FAM169A: variants seen among roughly 807,000 people sequenced by gnomAD.
FAM169A encodes soluble lamin-associated protein of 75 kDa.
A neutral mutation model predicts 75.7 loss-of-function variants in FAM169A; 24 were observed. The observed-to-expected ratio is 0.32, with a 90% CI of 0.23 to 0.45. The LOEUF is 0.45. Ranked by LOEUF, FAM169A falls within the 20% of genes least tolerant of loss-of-function variation. The pLI, the probability that FAM169A is intolerant of heterozygous loss-of-function variation, is 1.00. For synonymous variants in FAM169A, 271 were observed against 271.0 expected, an observed-to-expected ratio of 1.00 and a Z score of 0.00; for missense variants, 673 against 784.0, an observed-to-expected ratio of 0.86 and a Z score of 1.69.
At chr5:74,860,323 T>A (rs1342275965) in intron 1 of FAM169A, among the ~76,000 whole-genome samples, 1 of 152,372 alleles carries the variant, frequency 6.6e-6, no homozygotes, top group African/African-American at 2.4e-5. Flanking sequence ...TTTACTAATA[T>A]GGTTTAGTAC....
intron 5 of FAM169A, among the ~76,000 whole-genome samples, chr5:74,830,175 CAACATAAAAAGAGAGGAAAGAGA>C (rs1748239486): frequency 6.6e-6 from 1 of 151,996 alleles, no homozygotes; most frequent in Non-Finnish European, 1.5e-5. Flanking sequence ...CCTCACACAA[CAACATAAAAAGAGAGGAAAGAGA>C]AGCCCTTGAT....
chr5:74,836,208 T>C (rs1388575580), intron 4 of FAM169A, among the ~76,000 whole-genome samples: 3 of 152,244 alleles, frequency 2.0e-5, no homozygotes, highest in African/African-American at 7.2e-5. Flanking sequence ...TAAAGCCCAA[T>C]ACTTTTTCAT....
intron 1 of FAM169A, among the ~76,000 whole-genome samples, chr5:74,851,631 C>T (rs1359027089): frequency 2.6e-5 from 4 of 152,158 alleles, no homozygotes; most frequent in Non-Finnish European, 5.9e-5. Context: ...GAAGCTTCCA[C>T]ATGATCCTAC....
rs752150913 is a variant in FAM169A, at chr5:74,783,095, C to T, written c.1300G>A (p.Asp434Asn). Reference sequence around the variant, plus strand: ...GTTATAAGTGAGGTCTTAAGAGAATCGTCCATTATCTCACCATTCATAGGC... The same window carrying T: ...GTTATAAGTGAGGTCTTAAGAGAATTGTCCATTATCTCACCATTCATAGGC... The part of the protein sequence containing the change: ...LEPMNGEIMD[D>N]SLKTSLITEE... The change falls in exon 12 of 13, where the codon GAT (aspartate) becomes AAT (asparagine). Residue 434 changes from aspartate (D) to asparagine (N), a missense_variant. Asp to Asn is a conservative substitution (Grantham distance 23). Coordinates refer to ENST00000687041, the MANE Select transcript of FAM169A (RefSeq NM_001376049.1). 1.2e-6 allele frequency: 2 copies of T among 1,613,580 alleles called. No homozygotes were observed. Among genetic ancestry groups the T allele is most frequent in the Non-Finnish European group, 1.7e-6 (2 of 1,179,580 alleles).
At chr5:74,817,290 A>C (rs1465823341) in intron 5 of FAM169A, among the ~76,000 whole-genome samples, 2 of 152,108 alleles carry the variant, frequency 1.3e-5, no homozygotes, top group Non-Finnish European at 2.9e-5. Flanking sequence ...TCTTACATAT[A>C]GAAAATCCTA....
At chr5:74,818,070 G>A (rs1747562133) in intron 5 of FAM169A, among the ~76,000 whole-genome samples, 1 of 152,094 alleles carries the variant, frequency 6.6e-6, no homozygotes, top group Admixed American at 6.6e-5. Context: ...GAAAACATAG[G>A]TGCAAGCCTT....
At chr5:74,857,571 G>GA (rs1561328873) in intron 1 of FAM169A, among the ~76,000 whole-genome samples, 1,152 of 65,588 alleles carry the variant, frequency 0.018, 140 homozygotes, top group African/African-American at 0.069. Flanking sequence ...CCTTGCCGCG[G>GA]GAAAAAAAAA....
intron 1 of FAM169A, among the ~76,000 whole-genome samples, chr5:74,853,295 C>A (rs1190394107): frequency 6.6e-6 from 1 of 152,132 alleles, no homozygotes; most frequent in Non-Finnish European, 1.5e-5. Flanking sequence ...ACAAGAGAAC[C>A]ACCATTTACT....
chr5:74,783,994 G>T (rs949621128), intron 11 of FAM169A, among the ~76,000 whole-genome samples: 24 of 151,888 alleles, frequency 1.6e-4, no homozygotes, highest in Non-Finnish European at 2.8e-4. Context: ...TTATTAAATT[G>T]TTCTAAAATA....
chr5:74,840,734 C>G (rs1156262585), intron 2 of FAM169A, among the ~76,000 whole-genome samples: 1 of 150,910 alleles, frequency 6.6e-6, no homozygotes, highest in South Asian at 2.1e-4. Context: ...GAGGCTAAGG[C>G]AGGAGAATGG....
chr5:74,847,919 C>T (rs996609644), intron 1 of FAM169A, among the ~76,000 whole-genome samples: 1 of 151,954 alleles, frequency 6.6e-6, no homozygotes, highest in Admixed American at 6.6e-5. Context: ...TTTAGATAAC[C>T]TCAAATTTGC....
chr5:74,799,654 T>C, intron 10 of FAM169A: 1 of 1,348,508 alleles, frequency 7.4e-7, no homozygotes, highest in Non-Finnish European at 1.1e-6. Context: ...CCACCTGGCC[T>C]GGGCCAGCCA....
At chr5:74,859,587 G>A (rs1026340247) in intron 1 of FAM169A, among the ~76,000 whole-genome samples, 7 of 152,018 alleles carry the variant, frequency 4.6e-5, no homozygotes, top group Non-Finnish European at 7.4e-5. Flanking sequence ...CACGCCCGGC[G>A]AAGGTTTTCT....
At chr5:74,834,400 AG>A in intron 5 of FAM169A, 25 bp downstream of exon 5, 1 of 1,380,896 alleles carries the variant, frequency 7.2e-7, no homozygotes. Context: ...CATAATACAC[AG>A]TTTAAATAAC....
intron 5 of FAM169A, among the ~76,000 whole-genome samples, chr5:74,817,155 T>G (rs1319891344): frequency 6.6e-6 from 1 of 151,916 alleles, no homozygotes; most frequent in Non-Finnish European, 1.5e-5. Context: ...ATATTTACTC[T>G]CACCACTTGC....
upstream of FAM169A, chr5:74,866,864 G>A (rs1750375706): frequency 1.0e-6 from 1 of 985,414 alleles, no homozygotes; most frequent in Non-Finnish European, 1.2e-6. Context: ...GGGGTGCAGA[G>A]GGCACGGGCG....
intron 11 of FAM169A, among the ~76,000 whole-genome samples, chr5:74,795,728 T>C (rs1746238275): frequency 6.6e-6 from 1 of 152,210 alleles, no homozygotes; most frequent in Non-Finnish European, 1.5e-5. Flanking sequence ...TGTAAGTGTG[T>C]TTAATTCCAC....
intron 1 of FAM169A, among the ~76,000 whole-genome samples, chr5:74,857,342 C>T (rs1238866728): frequency 6.6e-6 from 1 of 151,522 alleles, no homozygotes; most frequent in Non-Finnish European, 1.5e-5. Context: ...AATGAACTCA[C>T]AAGTTCAAGA....
rs778097956 is a variant in FAM169A, at chr5:74,796,170, G to A, written c.1120C>T (p.Arg374Cys). The A allele has an allele frequency of 2.2e-5, 35 of 1,610,354 alleles. No homozygotes were observed. Among genetic ancestry groups the A allele is most frequent in the South Asian group, 5.6e-5 (5 of 89,778 alleles). ...ASINKLESTARPSESSEEFLE... is the reference protein window; with the variant it reads ...ASINKLESTACPSESSEEFLE... The stretch of plus-strand genomic sequence containing the variant: ...AATTCTTCTGAGCTCTCTGATGGGC[G>A]TGCAGTAGACTCCAATCTAAAAAAC... The change falls in exon 11 of 13, where the codon CGC becomes TGC. Residue 374 changes from arginine (R) to cysteine (C), a missense_variant. Physicochemically the swap from Arg to Cys is radical, Grantham distance 180. Coordinates refer to ENST00000687041, the MANE Select transcript of FAM169A (RefSeq NM_001376049.1).
Sources: allele counts gnomAD v4.1 joint callset (sites outside exome capture counted in the v4.1 genomes callset), GRCh38; gene constraint gnomAD v4.1.1; transcripts MANE v1.5; gene names NCBI Gene and HGNC (gene_info 2026-07-23, HGNC 2026-07-21).